KCNH6: variants seen among roughly 807,000 people sequenced by gnomAD.
KCNH6 encodes potassium voltage-gated channel subfamily H member 6, also known as voltage-gated inwardly rectifying potassium channel KCNH6.
Under a neutral mutation model 83.4 loss-of-function variants are expected in KCNH6, and 81 were observed. That is an observed-to-expected ratio of 0.97 (90% CI 0.81 to 1.17). The LOEUF is 1.17. Ranked by LOEUF, KCNH6 falls within the 50% of genes most tolerant of loss-of-function variation. The pLI, the probability that KCNH6 is intolerant of heterozygous loss-of-function variation, is 0.00. For missense variants in KCNH6, 1,203 were observed against 1,290.5 expected (o/e 0.93, Z 1.04); for synonymous variants, 503 against 545.6 (o/e 0.92, Z 1.09).
In KCNH6 at chr17:63,545,963, T is replaced by A; in HGVS notation, c.*61T>A. On this transcript the variant is annotated 3_prime_UTR_variant, in exon 13 of 13. Coordinates refer to ENST00000314672, the MANE Select transcript of KCNH6 (RefSeq NM_001278919.2). Reference sequence around the variant, plus strand: ...TGGGCAAGGTGAGAGTTAAGGATCTTGGGGAGGTGGCCGGGTGCAGTGGCT... The same window carrying A: ...TGGGCAAGGTGAGAGTTAAGGATCTAGGGGAGGTGGCCGGGTGCAGTGGCT... 1 of 1,538,606 alleles carries A rather than the reference T, an allele frequency of 6.5e-7. No homozygotes were observed. The highest frequency in any genetic ancestry group is 1.4e-5 in the African/African-American group (1 of 73,504).
intron 6 of KCNH6, among the ~76,000 whole-genome samples, chr17:63,537,811 C>T (rs772113821): frequency 1.5e-4 from 23 of 152,212 alleles, no homozygotes; most frequent in Non-Finnish European, 2.6e-4. Flanking sequence ...CCATTGCCTT[C>T]CTTCTTTCTT....
intron 4 of KCNH6, among the ~76,000 whole-genome samples, chr17:63,531,997 G>C (rs146780916): frequency 3.0e-4 from 45 of 152,320 alleles, no homozygotes; most frequent in African/African-American, 8.9e-4. Flanking sequence ...AAAGAGCCTC[G>C]ATGGCTGTGG....
chr17:63,530,374 C>T lies in KCNH6; in HGVS notation c.507C>T (p.Gly169=). The change falls in exon 4 of 13, where the codon GGC becomes GGT. Residue 169 remains glycine (G), a synonymous_variant. Coordinates refer to ENST00000314672, the MANE Select transcript of KCNH6 (RefSeq NM_001278919.2). ...GCAGGCCAGGCGGACCAGGGCCAGG[C>T]ACAGGCAGGGGCAAGTACAGGACCA... The part of the protein sequence containing the change: ...SHGRPGGPGP[G]TGRGKYRTIS... 6.2e-7 allele frequency: 1 copy of T among 1,614,176 alleles called. No individual in the cohort carries two copies. Among genetic ancestry groups the T allele is most frequent in the Non-Finnish European group, 8.5e-7 (1 of 1,179,998 alleles).
At chr17:63,537,350 T>C (rs1597997923) in intron 6 of KCNH6, among the ~76,000 whole-genome samples, 1 of 152,304 alleles carries the variant, frequency 6.6e-6, no homozygotes, top group Non-Finnish European at 1.5e-5. Flanking sequence ...GTTCAGAGTA[T>C]TTAGAGATAT....
At chr17:63,544,793 G>A (rs1368447070) in intron 11 of KCNH6, among the ~76,000 whole-genome samples, 2 of 152,032 alleles carry the variant, frequency 1.3e-5, no homozygotes, top group Non-Finnish European at 2.9e-5. Context: ...TCTGAACCTA[G>A]TTTGCCCTTT....
rs2031532878 is a variant in KCNH6, at chr17:63,524,146, G to A, written c.84G>A (p.Lys28=). 6.2e-7 allele frequency: 1 copy of A among 1,613,306 alleles called. No homozygotes were observed. The highest frequency in any genetic ancestry group is 8.5e-7 in the Non-Finnish European group (1 of 1,179,378). Residue 28 remains lysine, a synonymous_variant, in exon 2 of 13, where the codon AAG becomes AAA. Transcript: ENST00000314672. ...TCCCACCTCCCACCCCAGGTCGGAA[G>A]TTCCTGATTGCCAATGCTCAGATGG... ...IIRKFEGQSR[K]FLIANAQMEN...
chr17:63,532,953 T>C (rs980834000), intron 4 of KCNH6, among the ~76,000 whole-genome samples: 11 of 152,178 alleles, frequency 7.2e-5, no homozygotes, highest in Admixed American at 5.9e-4. Context: ...TCACTACCCA[T>C]GGCTTTTGTT....
Position 63,538,304 on chromosome 17 carries a change from G to T in KCNH6, c.1701+40G>T, listed in dbSNP as rs1285919182. On this transcript the variant is annotated intron_variant, in intron 7 of 12. Transcript: ENST00000314672. The surrounding 1 kb of genome is among the most constrained non-coding windows in gnomAD (Gnocchi z 4.0). ...TCCGGCTAATGCCCCGGGCGTGGGGGGGAGCCAAGATCCTGCGGGGGCGGG... is the reference window on the plus strand; with the variant it reads ...TCCGGCTAATGCCCCGGGCGTGGGGTGGAGCCAAGATCCTGCGGGGGCGGG... 4 of 1,612,302 alleles carry T rather than the reference G, an allele frequency of 2.5e-6. No individual in the cohort carries two copies. In the South Asian group the frequency reaches 4.4e-5, roughly 18 times the overall value.
intron 11 of KCNH6, 132 bp from the exon 12 acceptor site, chr17:63,544,946 G>C: frequency 2.3e-6 from 2 of 865,728 alleles, no homozygotes; most frequent in Non-Finnish European, 3.7e-6. Context: ...TCCCAGTAAG[G>C]AAATAGCTTC....
In KCNH6 at chr17:63,533,929, AG is replaced by A. The variant is rs1229914694; in HGVS notation, c.721del (p.Ala241ArgfsTer119). The A allele has an allele frequency of 6.2e-7, 1 of 1,613,910 alleles. No homozygotes were observed. Among genetic ancestry groups the A allele is most frequent in the Non-Finnish European group, 8.5e-7 (1 of 1,179,896 alleles). On this transcript the variant is annotated frameshift_variant, in exon 5 of 13. Transcript: ENST00000314672. LOFTEE classifies it high-confidence loss of function. This position sits in a 1 kb window ranked among gnomAD's most constrained non-coding sequence, Gnocchi z 4.1. ...GADVLPEYKLQAPRIHRWTIL... is the reference protein window; with the variant it reads ...GADVLPEYKLXAPRIHRWTIL... Reference sequence around the variant, plus strand: ...GATGTGCTGCCGGAGTACAAGCTGCAGGCGCCGCGCATCCACCGCTGGACCA... The same window carrying A: ...GATGTGCTGCCGGAGTACAAGCTGCAGCGCCGCGCATCCACCGCTGGACCA...
rs755264929 is a variant in KCNH6, at chr17:63,536,089, C to T, written c.1501+21C>T. 1.6e-5 allele frequency: 26 copies of T among 1,606,760 alleles called. No individual in the cohort carries two copies. The Middle Eastern group carries it at 5.0e-4, about 31-fold the overall frequency. ...CGGCTGTGAGTGAGACCTCATGCCA[C>T]GGCCTAACTTCATGCTCTGGTCTTA... On this transcript the variant is annotated intron_variant, in intron 6 of 12. Coordinates refer to ENST00000314672, the MANE Select transcript of KCNH6 (RefSeq NM_001278919.2).
At chr17:63,526,215 C>CTA (rs1458791718) in intron 2 of KCNH6, among the ~76,000 whole-genome samples, 2 of 152,162 alleles carry the variant, frequency 1.3e-5, no homozygotes, top group Non-Finnish European at 2.9e-5. Flanking sequence ...CTACTCCCAT[C>CTA]CCACCCTCGG....
At chr17:63,531,876 C>T (rs981868820) in intron 4 of KCNH6, among the ~76,000 whole-genome samples, 1 of 152,200 alleles carries the variant, frequency 6.6e-6, no homozygotes, top group Non-Finnish European at 1.5e-5. Flanking sequence ...CTTGGTGTCA[C>T]TCCCCTGCTC....
At chr17:63,526,600 A>G (rs1046033936) in intron 2 of KCNH6, among the ~76,000 whole-genome samples, 1 of 151,838 alleles carries the variant, frequency 6.6e-6, no homozygotes, top group African/African-American at 2.4e-5. Context: ...GACCATATTC[A>G]TGTACACTTA....
chr17:63,527,188 C>G (rs1261300941), intron 2 of KCNH6, among the ~76,000 whole-genome samples: 1 of 152,196 alleles, frequency 6.6e-6, no homozygotes, highest in Non-Finnish European at 1.5e-5. Context: ...GTCCTCAGCT[C>G]TTGATGAGGA....
intron 8 of KCNH6, among the ~76,000 whole-genome samples, chr17:63,541,009 C>G (rs2032826597): frequency 6.6e-6 from 1 of 152,208 alleles, no homozygotes. Context: ...AGGAGCCCCT[C>G]CCTCCTCCAT....
chr17:63,532,163 T>C (rs1399206028), intron 4 of KCNH6, among the ~76,000 whole-genome samples: 1 of 152,170 alleles, frequency 6.6e-6, no homozygotes, highest in Non-Finnish European at 1.5e-5. Flanking sequence ...TGAGGAACTC[T>C]ATTCTCAGCC....
At position 63,538,301 on chromosome 17, in the gene KCNH6, G is replaced by GT. The variant is rs757878179; in HGVS notation, c.1701+37_1701+38insT. On this transcript the variant is annotated intron_variant, in intron 7 of 12. Transcript: ENST00000314672. This position sits in a 1 kb window ranked among gnomAD's most constrained non-coding sequence, Gnocchi z 4.0. ...CGCTCCGGCTAATGCCCCGGGCGTG[G>GT]GGGGGAGCCAAGATCCTGCGGGGGC... 5.6e-5 allele frequency: 90 copies of GT among 1,608,478 alleles called. No individual in the cohort carries two copies. In the Middle Eastern group the frequency reaches 6.7e-4, roughly 12 times the overall value.
At chr17:63,531,045 G>A (rs2032073989) in intron 4 of KCNH6, among the ~76,000 whole-genome samples, 1 of 152,218 alleles carries the variant, frequency 6.6e-6, no homozygotes, top group Non-Finnish European at 1.5e-5. Context: ...TGCCAGGCAG[G>A]GCAGGATGAG....
Sources: allele counts gnomAD v4.1 joint callset (sites outside exome capture counted in the v4.1 genomes callset), GRCh38; gene constraint gnomAD v4.1.1; non-coding constraint Gnocchi (gnomAD v3.1); transcripts MANE v1.5; gene names NCBI Gene and HGNC (gene_info 2026-07-23, HGNC 2026-07-21).